The following CNTNAP2 variants were observed in gnomAD, a reference collection of about 807,000 sequenced individuals.
The protein encoded by CNTNAP2 is contactin-associated protein-like 2.
In CNTNAP2, 98 loss-of-function variants were observed where a neutral mutation model predicts 155.2. That is an observed-to-expected ratio of 0.63 (90% CI 0.54 to 0.75). CNTNAP2 has a LOEUF of 0.75. Among genes scored for constraint, CNTNAP2 ranks in the 30% least tolerant of loss-of-function variants. The probability of loss-of-function intolerance (pLI) is 0.00; values close to 1 mark genes in which losing one functional copy is unlikely to be tolerated. For synonymous variants in CNTNAP2, 651 were observed against 631.2 expected (o/e 1.03, Z -0.47); for missense variants, 1,727 against 1,688.1 (o/e 1.02, Z -0.40).
intron 8 of CNTNAP2, among the ~76,000 whole-genome samples, chr7:147,255,133 A>C (rs1180511003): frequency 6.6e-6 from 1 of 152,162 alleles, no homozygotes; most frequent in East Asian, 1.9e-4. Context: ...AGGCATATTA[A>C]GTGTCTAGAG....
chr7:146,154,342 A>G (rs917227021), intron 1 of CNTNAP2, among the ~76,000 whole-genome samples: 2 of 152,176 alleles, frequency 1.3e-5, no homozygotes, highest in Admixed American at 6.5e-5. Context: ...AAGACTTGCT[A>G]TACCTAATTC....
chr7:148,140,254 T>C (rs773625985), intron 16 of CNTNAP2, among the ~76,000 whole-genome samples: 8 of 152,238 alleles, frequency 5.3e-5, no homozygotes, highest in Non-Finnish European at 8.8e-5. Context: ...AGCCTCCATG[T>C]TCAGAGTCTT....
At chr7:146,373,532 G>A (rs1204591789) in intron 1 of CNTNAP2, among the ~76,000 whole-genome samples, 1 of 151,690 alleles carries the variant, frequency 6.6e-6, no homozygotes, top group Admixed American at 6.6e-5. Flanking sequence ...TTAGAAATAT[G>A]TTGAAAAAAA....
At chr7:146,309,980 G>C (rs1305096381) in intron 1 of CNTNAP2, among the ~76,000 whole-genome samples, 1 of 152,180 alleles carries the variant, frequency 6.6e-6, no homozygotes, top group Non-Finnish European at 1.5e-5. Context: ...AAATGCAATT[G>C]TGACATAGAG....
rs140762141 is a variant in CNTNAP2, at chr7:146,803,329, T to C, written c.208+28948T>C. ...CGTTCATTGCAGTAAAATGAGAAGA[T>C]GGAATGTGAATAAGATAAAAATGCA... On this transcript the variant is annotated intron_variant, in intron 2 of 23. Transcript: ENST00000361727. Among the ~76,000 whole-genome samples, 694 of 152,142 alleles carry C rather than the reference T, an allele frequency of 4.6e-3. 2 individuals are homozygous for C. Among genetic ancestry groups the C allele is most frequent in the Non-Finnish European group, 7.6e-3 (514 of 67,988 alleles).
At position 146,307,652 on chromosome 7, in the gene CNTNAP2, A is replaced by G. The variant is rs553456672; in HGVS notation, c.97+190679A>G. On this transcript the variant is annotated intron_variant, in intron 1 of 23. Coordinates refer to ENST00000361727, the MANE Select transcript of CNTNAP2 (RefSeq NM_014141.6). ...CAGAGATACAGACCAATGGAACAGA[A>G]TAGAGCCCTCAGAAATACTACCACA... Among the ~76,000 whole-genome samples, 307 of 152,284 alleles carry G rather than the reference A, an allele frequency of 2.0e-3. 3 individuals are homozygous for G. Among genetic ancestry groups the G allele is most frequent in the Middle Eastern group, 3.4e-3 (1 of 294 alleles).
At chr7:147,345,479 T>C (rs1426820188) in intron 9 of CNTNAP2, among the ~76,000 whole-genome samples, 1 of 152,208 alleles carries the variant, frequency 6.6e-6, no homozygotes, top group African/African-American at 2.4e-5. Flanking sequence ...TTCGCATTTG[T>C]AGACATTTTC....
chr7:147,366,319 G>C (rs531624327), intron 9 of CNTNAP2, among the ~76,000 whole-genome samples: 1 of 152,086 alleles, frequency 6.6e-6, no homozygotes, highest in African/African-American at 2.4e-5. Context: ...ATGGAGATTT[G>C]TCTTATCTTT....
chr7:147,828,866 C>T (rs1480766595), intron 13 of CNTNAP2, among the ~76,000 whole-genome samples: 1 of 152,168 alleles, frequency 6.6e-6, no homozygotes, highest in Non-Finnish European at 1.5e-5. Flanking sequence ...GAACATTTAT[C>T]ACCTTCAAAG....
At chr7:146,184,010 G>T (rs1344683724) in intron 1 of CNTNAP2, among the ~76,000 whole-genome samples, 2 of 152,052 alleles carry the variant, frequency 1.3e-5, no homozygotes, top group Non-Finnish European at 2.9e-5. Context: ...CTTCCCCCTA[G>T]GTCTCAAGGT....
chr7:146,921,435 C>A (rs941598527), intron 3 of CNTNAP2, among the ~76,000 whole-genome samples: 1 of 152,018 alleles, frequency 6.6e-6, no homozygotes, highest in Non-Finnish European at 1.5e-5. Flanking sequence ...AGGCAAGAGT[C>A]GTGTATTAGT....
At chr7:146,977,800 G>C (rs1157571756) in intron 3 of CNTNAP2, among the ~76,000 whole-genome samples, 1 of 152,148 alleles carries the variant, frequency 6.6e-6, no homozygotes, top group Non-Finnish European at 1.5e-5. Context: ...CCTTTGCGCT[G>C]TCTGAGTTTT....
chr7:147,248,892 G>A (rs1293175399), intron 8 of CNTNAP2, among the ~76,000 whole-genome samples: 1 of 152,134 alleles, frequency 6.6e-6, no homozygotes, highest in Non-Finnish European at 1.5e-5. Context: ...AAGAGACCAA[G>A]CTGTCTTATA....
At chr7:146,118,016 C>T (rs1797511207) in intron 1 of CNTNAP2, among the ~76,000 whole-genome samples, 1 of 152,066 alleles carries the variant, frequency 6.6e-6, no homozygotes. Flanking sequence ...TAATATTTTC[C>T]AGAATTCGTC....
At chr7:146,509,564 G>A (rs1407326091) in intron 1 of CNTNAP2, among the ~76,000 whole-genome samples, 1 of 152,156 alleles carries the variant, frequency 6.6e-6, no homozygotes, top group Non-Finnish European at 1.5e-5. Context: ...TGACTTCCTG[G>A]TGTATTTTCT....
chr7:147,254,799 C>A (rs575153127), intron 8 of CNTNAP2, among the ~76,000 whole-genome samples: 121 of 152,244 alleles, frequency 7.9e-4, no homozygotes, highest in Non-Finnish European at 1.4e-3. Flanking sequence ...TCATTGGGGG[C>A]ACTGAATTGA....
intron 15 of CNTNAP2, among the ~76,000 whole-genome samples, chr7:148,040,586 C>A (rs971968850): frequency 1.3e-5 from 2 of 152,030 alleles, no homozygotes; most frequent in African/African-American, 4.8e-5. Context: ...CTATCCCACA[C>A]CCCGCCTTTT....
At chr7:147,622,051 A>T (rs1357047908) in intron 12 of CNTNAP2, among the ~76,000 whole-genome samples, 1 of 152,080 alleles carries the variant, frequency 6.6e-6, no homozygotes, top group Non-Finnish European at 1.5e-5. Context: ...AGGTCACTAT[A>T]TAATGATAAA....
chr7:147,847,327 C>T (rs1328588435), intron 13 of CNTNAP2, among the ~76,000 whole-genome samples: 2 of 115,682 alleles, frequency 1.7e-5, no homozygotes, highest in Non-Finnish European at 1.8e-5. Context: ...AACTTCCCTT[C>T]TCGCTTCATT....
Sources: gnomAD v4.1 joint callset for allele counts (sites outside exome capture counted in the v4.1 genomes callset) on GRCh38, gnomAD v4.1.1 for gene constraint, MANE v1.5 for transcripts, NCBI Gene and HGNC (gene_info 2026-07-23, HGNC 2026-07-21) for gene names.